Variants in NOTCH2NLA observed in about 807,000 individuals in gnomAD.
NOTCH2NLA encodes the protein notch homolog 2 N-terminal-like protein A.
chr1:146,210,513 T>C (rs1326474687), intron 1 of NOTCH2NLA, among the ~76,000 whole-genome samples: 1 of 59,256 alleles, frequency 1.7e-5, no homozygotes, highest in East Asian at 4.3e-4. Context: ...CTATGCAGCA[T>C]TCTGGACAGC....
chr1:146,175,439 TA>T lies in NOTCH2NLA; in HGVS notation c.39-10430del, dbSNP rs59420065. Reference sequence around the variant, plus strand: ...CAAGAAGGAAAAACAAAAAGAACTTTAAAAAAAAGTATTTGTGTATAGATTG... The same window carrying T: ...CAAGAAGGAAAAACAAAAAGAACTTTAAAAAAAGTATTTGTGTATAGATTG... On this transcript the variant is annotated intron_variant, in intron 2 of 4. Transcript: ENST00000362074. Among the ~76,000 whole-genome samples, 503 of 121,092 alleles carry T rather than the reference TA, an allele frequency of 4.2e-3. 2 individuals carry two copies. The highest frequency in any genetic ancestry group is 0.013 in the African/African-American group (476 of 36,328). 79.4% of individuals were successfully genotyped at this position (121,092 alleles called of 152,430 possible). A position where few individuals can be genotyped will look rare whatever the true frequency, so the allele number is the denominator to read the frequency against.
chr1:146,180,120 T>C (rs1215720739), intron 2 of NOTCH2NLA, among the ~76,000 whole-genome samples: 2 of 143,194 alleles, frequency 1.4e-5, no homozygotes, highest in East Asian at 3.9e-4. Context: ...TCAGAGTCCA[T>C]CTAACTTTCA....
At chr1:146,161,801 C>G (rs1369793899) in intron 3 of NOTCH2NLA, among the ~76,000 whole-genome samples, 1 of 49,826 alleles carries the variant, frequency 2.0e-5, no homozygotes, top group Non-Finnish European at 3.4e-5. Flanking sequence ...GTCTACTACT[C>G]CAGAACGGAG....
At chr1:146,159,196 A>G (rs1661327149) in intron 3 of NOTCH2NLA, among the ~76,000 whole-genome samples, 1 of 151,694 alleles carries the variant, frequency 6.6e-6, no homozygotes, top group Non-Finnish European at 1.5e-5. Context: ...CATCTTTTCT[A>G]AAAATACAAA....
intron 2 of NOTCH2NLA, among the ~76,000 whole-genome samples, chr1:146,173,072 G>A (rs868979738): frequency 4.0e-5 from 6 of 150,952 alleles, no homozygotes; most frequent in Non-Finnish European, 8.8e-5. Context: ...TATGGACATG[G>A]GAAGAAAGGG....
Position 146,219,817 on chromosome 1 carries a change from A to G in NOTCH2NLA, c.-45+8892T>C, listed in dbSNP as rs1245696862. Among the ~76,000 whole-genome samples the G allele has an allele frequency of 3.1e-5, 3 of 96,284 alleles. 1 individual carries two copies. The highest frequency in any genetic ancestry group is 1.7e-4 in the African/African-American group (3 of 17,160). 63.2% of individuals were successfully genotyped at this position (96,284 alleles called of 152,430 possible). ...AACTAAAAAAAAAAAATATATATAT[A>G]TATATAAATAAATCAACAGCTTTTC... On this transcript the variant is annotated intron_variant, in intron 1 of 4. Transcript: ENST00000362074.
chr1:146,173,098 C>CA (rs1333483489), intron 2 of NOTCH2NLA, among the ~76,000 whole-genome samples: 1 of 150,492 alleles, frequency 6.6e-6, no homozygotes, highest in Non-Finnish European at 1.5e-5. Flanking sequence ...ATAGCTAAGA[C>CA]AGTCAGAAAT....
At chr1:146,159,415 G>GA (rs1370244544) in intron 3 of NOTCH2NLA, among the ~76,000 whole-genome samples, 3 of 147,766 alleles carry the variant, frequency 2.0e-5, no homozygotes, top group Non-Finnish European at 4.5e-5. Context: ...AAGAAAGAAA[G>GA]AAAGAAAGAA....
rs1421856967 is a variant in NOTCH2NLA, at chr1:146,199,828, T to G, written c.-44-10447A>C. On this transcript the variant is annotated intron_variant, in intron 1 of 4. Coordinates refer to ENST00000362074, the Ensembl canonical transcript of NOTCH2NLA. ...GACTCATAGCCAGGATATTTCTTTT[T>G]TTTATTATTATACTTTAAGTTTTAG... Among the ~76,000 whole-genome samples, 443 of 24,626 alleles carry G rather than the reference T, an allele frequency of 0.018. 199 individuals are homozygous for G. The South Asian group carries it at 0.35, about 20-fold the overall frequency. The allele number at this position is 24,626 out of a possible 152,430, so 16.2% of individuals were successfully genotyped here.
intron 2 of NOTCH2NLA, among the ~76,000 whole-genome samples, chr1:146,171,538 C>T (rs1387558991): frequency 9.0e-6 from 1 of 110,708 alleles, no homozygotes; most frequent in Non-Finnish European, 2.2e-5. Context: ...CTCCCCATCA[C>T]TGGATGACTC....
At chr1:146,206,265 C>CA (rs1424720866) in intron 1 of NOTCH2NLA, among the ~76,000 whole-genome samples, 2 of 52,498 alleles carry the variant, frequency 3.8e-5, no homozygotes, top group African/African-American at 1.8e-4. Flanking sequence ...AGAACATCCA[C>CA]AGGTAAGCCA....
At chr1:146,158,219 GGTTT>G (rs1661261871) in intron 3 of NOTCH2NLA, among the ~76,000 whole-genome samples, 1 of 150,760 alleles carries the variant, frequency 6.6e-6, no homozygotes, top group South Asian at 2.1e-4. Flanking sequence ...ACAACATGCA[GGTTT>G]GTTACATATG....
intron 3 of NOTCH2NLA, among the ~76,000 whole-genome samples, chr1:146,159,393 G>GAGAAAGAGAGAAAGAAAGAA (rs1661349176): frequency 9.0e-6 from 1 of 111,040 alleles, no homozygotes; most frequent in African/African-American, 3.5e-5. Context: ...GAGAAAGAGA[G>GAGAAAGAGAGAAAGAAAGAA]AGAAAGAAAG....
At chr1:146,157,452 A>AT (rs1290314020) in intron 3 of NOTCH2NLA, among the ~76,000 whole-genome samples, 1 of 142,094 alleles carries the variant, frequency 7.0e-6, no homozygotes, top group African/African-American at 2.6e-5. Flanking sequence ...GCAAGACTCC[A>AT]TTTCAAAAAA....
intron 3 of NOTCH2NLA, among the ~76,000 whole-genome samples, chr1:146,159,433 A>G (rs1571265892): frequency 6.7e-6 from 1 of 149,666 alleles, no homozygotes; most frequent in East Asian, 2.0e-4. Flanking sequence ...GAAAGAAAGA[A>G]AGAAAGAAAG....
downstream of NOTCH2NLA, chr1:146,154,058 CAT>C (rs1220325536): frequency 1.2e-4 from 12 of 100,776 alleles, no homozygotes; most frequent in South Asian, 6.2e-4. Flanking sequence ...CACACACACA[CAT>C]ATTGATATGT....
Position 146,185,185 on chromosome 1 carries a change from T to C in NOTCH2NLA, c.38+4115A>G, listed in dbSNP as rs1452305959. 3.7e-5 allele frequency among the ~76,000 whole-genome samples: 5 copies of C among 136,198 alleles called. 1 individual carries two copies. Among genetic ancestry groups the C allele is most frequent in the Admixed American group, 3.0e-4 (4 of 13,126 alleles). The allele number at this position is 136,198 out of a possible 152,430, so 89.4% of individuals were successfully genotyped here. ...AAATGTCCTTAAAATACATATTTTG[T>C]CAATTATACAAATCATAACCTAACC... On this transcript the variant is annotated intron_variant, in intron 2 of 4. Coordinates refer to ENST00000362074, the Ensembl canonical transcript of NOTCH2NLA.
At chr1:146,228,192 C>T (rs1439137558) in intron 1 of NOTCH2NLA, among the ~76,000 whole-genome samples, 2 of 146,272 alleles carry the variant, frequency 1.4e-5, no homozygotes, top group Non-Finnish European at 3.0e-5. Context: ...AGCCCACACA[C>T]CCGGCCCATG....
chr1:146,159,393 G>GAGAA (rs201617510), intron 3 of NOTCH2NLA, among the ~76,000 whole-genome samples: 27,078 of 110,820 alleles, frequency 0.24, 2,179 homozygotes, highest in East Asian at 0.27. Flanking sequence ...GAGAAAGAGA[G>GAGAA]AGAAAGAAAG....
Sources: gnomAD v4.1 joint callset for allele counts (sites outside exome capture counted in the v4.1 genomes callset) on GRCh38, gnomAD v4.1.1 for gene constraint, MANE v1.5 for transcripts, NCBI Gene and HGNC (gene_info 2026-07-23, HGNC 2026-07-21) for gene names.